The following FBXO25 variants were observed in gnomAD, a reference collection of about 807,000 sequenced individuals.
FBXO25 encodes the protein F-box only protein 25.
A neutral mutation model predicts 51.9 loss-of-function variants in FBXO25; 45 were observed. The ratio of observed to expected loss-of-function variants is 0.87; its 90% CI spans 0.68 to 1.11. The LOEUF is 1.11. FBXO25 is among the 50% of genes most tolerant of loss of function. The pLI is 0.00. For synonymous variants in FBXO25, 199 were observed against 151.0 expected, an observed-to-expected ratio of 1.32 and a Z score of -2.33; for missense variants, 507 against 428.5, an observed-to-expected ratio of 1.18 and a Z score of -1.62.
intron 2 of FBXO25, among the ~76,000 whole-genome samples, chr8:418,291 T>G (rs1436635390): frequency 6.6e-6 from 1 of 151,944 alleles, no homozygotes; most frequent in East Asian, 1.9e-4. Context: ...TTATTTCTTT[T>G]CCTTTCCCTT....
At chr8:449,909 G>C (rs1798972291) in intron 5 of FBXO25, 81 bp from the exon 6 acceptor site, 3 of 908,760 alleles carry the variant, frequency 3.3e-6, no homozygotes, top group Non-Finnish European at 5.2e-6. Flanking sequence ...AAATCTTCAT[G>C]CATGTGTGTT....
At chr8:433,116 T>G (rs986197507) in intron 4 of FBXO25, among the ~76,000 whole-genome samples, 181 bp downstream of exon 4, 7 of 152,200 alleles carry the variant, frequency 4.6e-5, no homozygotes, top group African/African-American at 1.7e-4. Context: ...GATTTTCCAT[T>G]GTGTGTGCTT....
chr8:424,118 A>AT (rs36051355), intron 2 of FBXO25, among the ~76,000 whole-genome samples: 27,524 of 120,558 alleles, frequency 0.23, 3,197 homozygotes, highest in African/African-American at 0.31. Context: ...TCCTTTGCCC[A>AT]TTTTTTTTTT....
chr8:420,575 T>C (rs1315678652), intron 2 of FBXO25: 1 of 152,206 alleles, frequency 6.6e-6, no homozygotes, highest in Non-Finnish European at 1.5e-5. Flanking sequence ...TGTGGTAACA[T>C]CTCTACAGGA....
intron 9 of FBXO25, among the ~76,000 whole-genome samples, chr8:464,283 A>G (rs1197786971): frequency 6.6e-6 from 1 of 152,178 alleles, no homozygotes; most frequent in African/African-American, 2.4e-5. Context: ...TAACATGTTA[A>G]TATTATTTCA....
At chr8:462,294 T>C (rs1799866159) in intron 8 of FBXO25, among the ~76,000 whole-genome samples, 1 of 152,262 alleles carries the variant, frequency 6.6e-6, no homozygotes, top group African/African-American at 2.4e-5. Context: ...GATAAATGTC[T>C]TTGCATGTCC....
chr8:435,985 T>C (rs1798082549), intron 5 of FBXO25, among the ~76,000 whole-genome samples: 1 of 152,220 alleles, frequency 6.6e-6, no homozygotes, highest in South Asian at 2.1e-4. Context: ...AGGTGGTCCC[T>C]TGGGGGTTGT....
At chr8:415,509 G>C (rs1321061032) in intron 2 of FBXO25, among the ~76,000 whole-genome samples, 1 of 152,214 alleles carries the variant, frequency 6.6e-6, no homozygotes, top group Non-Finnish European at 1.5e-5. Context: ...ATTCAGAATA[G>C]AGGGTAGGTC....
chr8:469,135 C>T lies in FBXO25; in HGVS notation c.*331C>T. 1 of 230,714 alleles carries T rather than the reference C, an allele frequency of 4.3e-6. No individual in the cohort carries two copies. The highest frequency in any genetic ancestry group is 9.2e-5 in the East Asian group (1 of 10,858). 14.3% of individuals were successfully genotyped at this position (230,714 alleles called of 1,614,324 possible). ...TCTTTGTTGACGTGACACTAACGGC[C>T]AATAATATGCTTCTTAATTATCAAA... On this transcript the variant is annotated 3_prime_UTR_variant, in exon 10 of 10. Coordinates refer to ENST00000350302, the MANE Select transcript of FBXO25 (RefSeq NM_183420.2).
At chr8:417,644 C>A (rs975940819) in intron 2 of FBXO25, among the ~76,000 whole-genome samples, 6 of 152,216 alleles carry the variant, frequency 3.9e-5, no homozygotes, top group Non-Finnish European at 8.8e-5. Context: ...GCCTCTTTCC[C>A]TTTCCAGTGA....
At chr8:429,905 T>C (rs1163224925) in intron 2 of FBXO25, among the ~76,000 whole-genome samples, 1 of 152,218 alleles carries the variant, frequency 6.6e-6, no homozygotes, top group Non-Finnish European at 1.5e-5. Flanking sequence ...AGGCCCAGAT[T>C]CACAGGAGGA....
chr8:439,582 A>G (rs891248444), intron 5 of FBXO25, among the ~76,000 whole-genome samples: 1 of 152,160 alleles, frequency 6.6e-6, no homozygotes, highest in African/African-American at 2.4e-5. Context: ...TCTTGCCATC[A>G]TTTATTTTTA....
At chr8:415,961 T>C (rs1796774152) in intron 2 of FBXO25, among the ~76,000 whole-genome samples, 1 of 152,182 alleles carries the variant, frequency 6.6e-6, no homozygotes, top group African/African-American at 2.4e-5. Context: ...ATATAAGAAG[T>C]TGTTCCTTGT....
At chr8:437,157 T>G (rs1283797253) in intron 5 of FBXO25, among the ~76,000 whole-genome samples, 1 of 152,226 alleles carries the variant, frequency 6.6e-6, no homozygotes, top group East Asian at 1.9e-4. Flanking sequence ...TACTTTAGCC[T>G]CATCCTAAAC....
At position 469,693 on chromosome 8, in the gene FBXO25, G is replaced by A. The variant is rs904356928; in HGVS notation, c.*889G>A. The A allele has an allele frequency of 6.6e-6, 1 of 151,714 alleles. No individual in the cohort carries two copies. The highest frequency in any genetic ancestry group is 2.4e-5 in the African/African-American group (1 of 41,218). The allele number at this position is 151,714 out of a possible 1,614,324, so 9.4% of individuals were successfully genotyped here. On this transcript the variant is annotated 3_prime_UTR_variant, in exon 10 of 10. Transcript: ENST00000350302. ...TCCATTTTAGAAAATTAGAAAATCA[G>A]TCCCACCACCCAAAGATTATTGTGC...
intron 4 of FBXO25, among the ~76,000 whole-genome samples, chr8:433,730 C>T (rs1797950031): frequency 6.6e-6 from 1 of 152,272 alleles, no homozygotes; most frequent in African/African-American, 2.4e-5. Flanking sequence ...GAATTACTGT[C>T]TATCGTATGT....
chr8:423,467 C>G (rs145359922), intron 2 of FBXO25, among the ~76,000 whole-genome samples: 8,956 of 152,012 alleles, frequency 0.059, 288 homozygotes, highest in Middle Eastern at 0.078. Flanking sequence ...TCTAGTAGTC[C>G]CCAGTGTCTG....
intron 1 of FBXO25, among the ~76,000 whole-genome samples, chr8:410,126 T>G (rs148864786): frequency 0.059 from 9,003 of 152,274 alleles, 284 homozygotes; most frequent in Middle Eastern, 0.082. Flanking sequence ...TCCCAGCTGA[T>G]TTGCTTTCTG....
chr8:407,838 C>T (rs557599485), intron 1 of FBXO25, among the ~76,000 whole-genome samples: 297 of 152,190 alleles, frequency 2.0e-3, no homozygotes, highest in African/African-American at 6.8e-3. Flanking sequence ...ACTAATTTTG[C>T]ATCCTTCCCC....
Sources: allele counts gnomAD v4.1 joint callset (sites outside exome capture counted in the v4.1 genomes callset), GRCh38; gene constraint gnomAD v4.1.1; transcripts MANE v1.5; gene names NCBI Gene and HGNC (gene_info 2026-07-23, HGNC 2026-07-21).